Variants in COL11A1 observed in about 807,000 individuals in gnomAD.
COL11A1 encodes collagen alpha-1(XI) chain.
In COL11A1, 74 loss-of-function variants were observed where a neutral mutation model predicts 265.2. The observed-to-expected ratio is 0.28, with a 90% CI of 0.23 to 0.34. The LOEUF is 0.34. Among genes scored for constraint, COL11A1 ranks in the 10% least tolerant of loss-of-function variants. The probability of loss-of-function intolerance (pLI) is 1.00; values close to 1 mark genes in which losing one functional copy is unlikely to be tolerated. For missense variants in COL11A1, 2,165 were observed against 2,263.6 expected (o/e 0.96, Z 0.88); for synonymous variants, 816 against 727.6 (o/e 1.12, Z -1.96).
intron 1 of COL11A1, among the ~76,000 whole-genome samples, 193 bp downstream of exon 1, chr1:103,107,879 TC>T (rs1674832545): frequency 2.6e-5 from 4 of 152,060 alleles, no homozygotes; most frequent in African/African-American, 9.6e-5. Context: ...CCCTTTATTG[TC>T]CCGCCTACAT....
At chr1:103,079,258 A>C (rs1672215915) in intron 2 of COL11A1, among the ~76,000 whole-genome samples, 1 of 151,146 alleles carries the variant, frequency 6.6e-6, no homozygotes, top group Admixed American at 6.6e-5. Context: ...ATACATGCCC[A>C]CTTTAAAGAG....
intron 46 of COL11A1, among the ~76,000 whole-genome samples, chr1:102,925,770 T>C (rs1363764157): frequency 6.6e-6 from 1 of 152,114 alleles, no homozygotes; most frequent in Non-Finnish European, 1.5e-5. Context: ...TAAACATGCA[T>C]GTATATTTTA....
rs552693037 is a variant in COL11A1, at chr1:102,897,242, G to A, written c.4302+883C>T. On this transcript the variant is annotated intron_variant, in intron 57 of 66. Coordinates refer to ENST00000370096, the MANE Select transcript of COL11A1 (RefSeq NM_001854.4). ...AATCCCAGTTGTGATGGCTTTGTGC[G>A]TATGTTTCTATCTCTGAGATAATTA... 7.2e-5 allele frequency among the ~76,000 whole-genome samples: 11 copies of A among 151,914 alleles called. No homozygotes were observed. The South Asian group carries it at 8.3e-4, about 11-fold the overall frequency.
intron 66 of COL11A1, among the ~76,000 whole-genome samples, chr1:102,878,929 A>G (rs1275013869): frequency 1.3e-5 from 2 of 152,170 alleles, no homozygotes; most frequent in Non-Finnish European, 2.9e-5. Flanking sequence ...TGTCAAAAAA[A>G]TTTCTTCTGC....
At chr1:103,071,690 A>T (rs1237842270) in intron 4 of COL11A1, among the ~76,000 whole-genome samples, 3 of 151,558 alleles carry the variant, frequency 2.0e-5, no homozygotes, top group Non-Finnish European at 4.4e-5. Flanking sequence ...GCAGACAGAC[A>T]GAGGGACCCA....
In COL11A1 at chr1:102,915,763, AT is replaced by A. The variant is rs1403593817; in HGVS notation, c.3763-80del. ...TATAAAATTCAAATGTTATCATATC[AT>A]TTTAGATTAGCCCTTATTTTTTTAT... is the stretch of plus-strand genomic sequence containing the variant. On this transcript the variant is annotated intron_variant, in intron 49 of 66. Coordinates refer to ENST00000370096, the MANE Select transcript of COL11A1 (RefSeq NM_001854.4). 2.7e-6 allele frequency: 3 copies of A among 1,118,698 alleles called. No homozygotes were observed. In the African/African-American group the frequency reaches 4.8e-5, roughly 18 times the overall value. The allele number at this position is 1,118,698 out of a possible 1,614,324, so 69.3% of individuals were successfully genotyped here. A position where few individuals can be genotyped will look rare whatever the true frequency, so the allele number is the denominator to read the frequency against.
intron 5 of COL11A1, among the ~76,000 whole-genome samples, chr1:103,030,132 G>A (rs1020158099): frequency 6.6e-6 from 1 of 152,000 alleles, no homozygotes; most frequent in Non-Finnish European, 1.5e-5. Flanking sequence ...AGAATAAAAA[G>A]AATGAAGTAC....
intron 1 of COL11A1, among the ~76,000 whole-genome samples, chr1:103,092,723 T>A (rs184832779): frequency 3.7e-4 from 57 of 152,238 alleles, no homozygotes; most frequent in East Asian, 1.2e-3. Flanking sequence ...TAAAAAGTGA[T>A]CTCTCATGTT....
chr1:102,929,342 A>C (rs1657066978), intron 46 of COL11A1, among the ~76,000 whole-genome samples: 1 of 152,130 alleles, frequency 6.6e-6, no homozygotes, highest in African/African-American at 2.4e-5. Flanking sequence ...CATTTATTAA[A>C]TAGGGAATCC....
At chr1:103,027,727 T>C (rs1667657132) in intron 5 of COL11A1, among the ~76,000 whole-genome samples, 1 of 151,956 alleles carries the variant, frequency 6.6e-6, no homozygotes, top group Non-Finnish European at 1.5e-5. Context: ...AGAGGAGTTA[T>C]GAATTACAAA....
At chr1:103,058,278 AAG>A (rs1352070848) in intron 4 of COL11A1, among the ~76,000 whole-genome samples, 1 of 152,162 alleles carries the variant, frequency 6.6e-6, no homozygotes, top group Non-Finnish European at 1.5e-5. Context: ...CACAGAATTG[AAG>A]AGAGTTAAGG....
At chr1:103,104,340 A>C (rs1394377833) in intron 1 of COL11A1, among the ~76,000 whole-genome samples, 1 of 152,090 alleles carries the variant, frequency 6.6e-6, no homozygotes, top group Non-Finnish European at 1.5e-5. Context: ...CCAACCCATA[A>C]ATTTGAAAAG....
intron 38 of COL11A1, among the ~76,000 whole-genome samples, chr1:102,963,285 C>A (rs1010893986): frequency 6.6e-6 from 1 of 152,132 alleles, no homozygotes. Flanking sequence ...ATTCATTTGA[C>A]AAAGTCTAGG....
intron 15 of COL11A1, among the ~76,000 whole-genome samples, chr1:103,006,525 CATTTTTTTT>C (rs1450828876): frequency 1.3e-5 from 1 of 76,268 alleles, no homozygotes; most frequent in East Asian, 6.8e-4. Flanking sequence ...TAAATGGCTC[CATTTTTTTT>C]TTTTTTTTTT....
intron 49 of COL11A1, 93 bp from the exon 50 acceptor site, chr1:102,915,777 C>T (rs1655264378): frequency 9.8e-7 from 1 of 1,023,978 alleles, no homozygotes; most frequent in Non-Finnish European, 1.4e-6. Flanking sequence ...TAGATTAGCC[C>T]TTATTTTTTT....
At position 102,995,863 on chromosome 1, in the gene COL11A1, C is replaced by T; in HGVS notation, c.2340+1G>A. ...ATACCATCTAAACAATTAAATTTTA[C>T]CTTTTCACCTTTAGATCCCTTGAGA... On this transcript the variant is annotated splice_donor_variant, in intron 28 of 66. Coordinates refer to ENST00000370096, the MANE Select transcript of COL11A1 (RefSeq NM_001854.4). LOFTEE classifies it high-confidence loss of function. 1.9e-6 allele frequency: 3 copies of T among 1,606,786 alleles called. No individual in the cohort carries two copies. Among genetic ancestry groups the T allele is most frequent in the Non-Finnish European group, 2.6e-6 (3 of 1,175,216 alleles).
rs377678496 is a variant in COL11A1 at position 102,912,235 on chromosome 1, T to C, written c.4033-23A>G. 8 of 1,588,876 alleles carry C rather than the reference T, an allele frequency of 5.0e-6. No individual in the cohort carries two copies. In the East Asian group the frequency reaches 1.1e-4, roughly 22 times the overall value. ...ACCCTATAAAATGTGAAAAAATACCTTTAACAAAATTGGATATTATTTTGT... is the reference window on the plus strand; with the variant it reads ...ACCCTATAAAATGTGAAAAAATACCCTTAACAAAATTGGATATTATTTTGT... On this transcript the variant is annotated intron_variant, in intron 53 of 66. Coordinates refer to ENST00000370096, the MANE Select transcript of COL11A1 (RefSeq NM_001854.4).
chr1:103,058,748 A>G (rs1348064249), intron 4 of COL11A1, among the ~76,000 whole-genome samples: 1 of 152,156 alleles, frequency 6.6e-6, no homozygotes, highest in Non-Finnish European at 1.5e-5. Context: ...AGAACACACA[A>G]AACATTTATC....
chr1:102,883,358 T>C (rs1221007478), intron 63 of COL11A1, 47 bp from the exon 64 acceptor site: 3 of 1,143,040 alleles, frequency 2.6e-6, no homozygotes, highest in East Asian at 2.4e-5. Flanking sequence ...ATTGACATCA[T>C]TGTTGAATGC....
Sources: allele counts gnomAD v4.1 joint callset (sites outside exome capture counted in the v4.1 genomes callset), GRCh38; gene constraint gnomAD v4.1.1; transcripts MANE v1.5; gene names NCBI Gene and HGNC (gene_info 2026-07-23, HGNC 2026-07-21).